The following KIF5A variants were observed in gnomAD, a reference collection of about 807,000 sequenced individuals.
KIF5A encodes kinesin heavy chain isoform 5A.
A neutral mutation model predicts 141.3 loss-of-function variants in KIF5A; 35 were observed. That is an observed-to-expected ratio of 0.25 (90% CI 0.19 to 0.33). The LOEUF is 0.33. Among genes scored for constraint, KIF5A ranks in the 10% least tolerant of loss-of-function variants. The pLI is 1.00. For missense variants in KIF5A, 861 were observed against 1,314.3 expected, an observed-to-expected ratio of 0.66 and a Z score of 5.33; for synonymous variants, 448 against 500.2, an observed-to-expected ratio of 0.90 and a Z score of 1.39.
In KIF5A at chr12:57,564,934, G is replaced by C. The variant is rs1882017601; in HGVS notation, c.462G>C (p.Leu154=). ...TTGATTCAGTGACCAAGACAAATCT[G>C]TCCGTGCACGAGGACAAGAACCGGG... ...RDLLDVTKTN[L]SVHEDKNRVP... is the part of the protein sequence containing the mutation. Residue 154 remains leucine (L), a synonymous_variant, in exon 6 of 29, where the codon CTG becomes CTC. Transcript: ENST00000455537. 4 of 1,614,224 alleles carry C rather than the reference G, an allele frequency of 2.5e-6. No homozygotes were observed. The highest frequency in any genetic ancestry group is 3.4e-6 in the Non-Finnish European group (4 of 1,180,040).
Position 57,550,610 on chromosome 12 carries a change from G to A in KIF5A, c.129+210G>A, listed in dbSNP as rs1424202377. ...CGGCCGAGTCTCTGCAGAGTGGCAG[G>A]GGGCTGCTTTCCTACCTTCGGGAGA... On this transcript the variant is annotated intron_variant, in intron 1 of 28. Transcript: ENST00000455537. The surrounding 1 kb of genome is among the most constrained non-coding windows in gnomAD (Gnocchi z 4.6). Among the ~76,000 whole-genome samples the A allele has an allele frequency of 6.6e-6, 1 of 152,144 alleles. No individual in the cohort carries two copies. The highest frequency in any genetic ancestry group is 1.5e-5 in the Non-Finnish European group (1 of 68,016).
chr12:57,553,880 A>G (rs373385371), intron 1 of KIF5A, among the ~76,000 whole-genome samples: 12 of 151,984 alleles, frequency 7.9e-5, no homozygotes, highest in African/African-American at 2.4e-4. Flanking sequence ...GGGGTGGGAG[A>G]GAGATTGGAT....
intron 1 of KIF5A, among the ~76,000 whole-genome samples, chr12:57,563,010 T>TC (rs1474213065): frequency 1.1e-4 from 16 of 150,788 alleles, no homozygotes; most frequent in Admixed American, 7.9e-4. Context: ...TTTCTTTTCT[T>TC]CTTCTTTTTT....
At chr12:57,565,362 G>A (rs55979499) in intron 6 of KIF5A, among the ~76,000 whole-genome samples, 1 of 152,002 alleles carries the variant, frequency 6.6e-6, no homozygotes, top group African/African-American at 2.4e-5. Context: ...CAGAGGTTGC[G>A]GTGAGCCGAG....
chr12:57,567,715 C>CA, intron 8 of KIF5A, 97 bp downstream of exon 8: 1 of 1,301,096 alleles, frequency 7.7e-7, no homozygotes, highest in Non-Finnish European at 1.0e-6. Flanking sequence ...GGCTGGTTTG[C>CA]AGTGGCACGA....
chr12:57,583,239 AC>A, intron 28 of KIF5A, 24 bp downstream of exon 28: 1 of 1,451,964 alleles, frequency 6.9e-7, no homozygotes, highest in Non-Finnish European at 9.6e-7. Flanking sequence ...GCTTCCTCGG[AC>A]CAGCCTCAGG....
chr12:57,563,293 C>G (rs1211797582), intron 1 of KIF5A, 146 bp from the exon 2 acceptor site: 2 of 714,412 alleles, frequency 2.8e-6, no homozygotes, highest in East Asian at 2.7e-5. Flanking sequence ...GTGTGAGCCA[C>G]CACGCCCGGC....
rs1402124748 is a variant in KIF5A at position 57,578,067 on chromosome 12, C to T, written c.2420C>T (p.Thr807Ile). ...LRKLFVQDVT[T>I]RVKKSAEMEP... ...AAGCTGTTCGTTCAAGACGTCACGA[C>T]TCGAGTCAAGAAAGTGAGTGCTGTC... The change falls in exon 22 of 29, where the codon ACT (threonine) becomes ATT (isoleucine). Residue 807 changes from threonine (T) to isoleucine (I), a missense_variant. Physicochemically the swap from Thr to Ile is moderately conservative, Grantham distance 89. This residue lies in a region of KIF5A where 482 missense variants were observed against 661.3 expected (regional missense o/e 0.73). Transcript: ENST00000455537. The T allele has an allele frequency of 6.2e-7, 1 of 1,614,112 alleles. No homozygotes were observed. Among genetic ancestry groups the T allele is most frequent in the Non-Finnish European group, 8.5e-7 (1 of 1,179,928 alleles).
intron 1 of KIF5A, among the ~76,000 whole-genome samples, chr12:57,552,724 C>T (rs533227517): frequency 7.4e-4 from 113 of 152,208 alleles, no homozygotes; most frequent in African/African-American, 2.5e-3. Flanking sequence ...CCCACCAGGT[C>T]GGGAGCTGGC....
chr12:57,570,555 C>T (rs970082509), intron 12 of KIF5A, among the ~76,000 whole-genome samples: 2 of 152,120 alleles, frequency 1.3e-5, no homozygotes, highest in South Asian at 2.1e-4. Flanking sequence ...CATGCCACCA[C>T]GCCTGGCTAA....
chr12:57,551,557 C>T (rs951617327), intron 1 of KIF5A, among the ~76,000 whole-genome samples: 1 of 152,056 alleles, frequency 6.6e-6, no homozygotes, highest in South Asian at 2.1e-4. Context: ...GGGGTCGAGT[C>T]CTGTAGGGCT....
intron 1 of KIF5A, among the ~76,000 whole-genome samples, chr12:57,555,260 T>C (rs532814067): frequency 6.6e-6 from 1 of 152,308 alleles, no homozygotes; most frequent in East Asian, 1.9e-4. Flanking sequence ...GCTTCCCATG[T>C]CTATGGGCAG....
chr12:57,569,571 G>A lies in KIF5A; in HGVS notation c.1005G>A (p.Leu335=). The A allele has an allele frequency of 6.2e-7, 1 of 1,614,126 alleles. No homozygotes were observed. Among genetic ancestry groups the A allele is most frequent in the Non-Finnish European group, 8.5e-7 (1 of 1,180,034 alleles). The change falls in exon 11 of 29, where the codon TTG becomes TTA. Residue 335 remains leucine (L), a synonymous_variant. Transcript: ENST00000455537. ...TTAAGAACACTGCCTCAGTAAATTTGGAGTTGACTGCTGAGCAGTGGAAGA... is the reference window on the plus strand; with the variant it reads ...TTAAGAACACTGCCTCAGTAAATTTAGAGTTGACTGCTGAGCAGTGGAAGA... ...KTIKNTASVN[L]ELTAEQWKKK... is the part of the protein sequence containing the mutation.
chr12:57,575,366 C>A, intron 16 of KIF5A, 94 bp downstream of exon 16: 1 of 1,353,518 alleles, frequency 7.4e-7, no homozygotes, highest in Non-Finnish European at 1.0e-6. Flanking sequence ...ACCTTTATGT[C>A]AAAGTTCTGG....
chr12:57,569,669 G>T lies in KIF5A; in HGVS notation c.1103G>T (p.Ser368Ile), dbSNP rs749955896. ...ETIAKLEAEL[S>I]RWRNGENVPE... ...ATTGCGAAGCTGGAGGCTGAGCTGA[G>T]CCGGTGGCGCAATGGTTAGAGAGGG... The change falls in exon 11 of 29, where the codon AGC (serine) becomes ATC (isoleucine). Residue 368 changes from serine (S) to isoleucine (I), a missense_variant. Around this residue, in one of 5 missense-constraint regions of KIF5A, gnomAD observed 167 missense variants for 192.0 expected, o/e 0.87. Transcript: ENST00000455537. The T allele has an allele frequency of 2.5e-6, 4 of 1,613,888 alleles. No individual in the cohort carries two copies. In the South Asian group the frequency reaches 4.4e-5, roughly 18 times the overall value.
Position 57,569,946 on chromosome 12 carries a change from T to G in KIF5A, c.1118-41T>G, listed in dbSNP as rs376582946. The G allele has an allele frequency of 7.9e-4, 1,265 of 1,598,912 alleles. 19 individuals are homozygous for G. The South Asian group carries it at 0.013, about 17-fold the overall frequency. ...GAAGGAAGAACTCGTGGATGCAGCTTCTTCTTCTTCCATCTCTCACCTCGT... is the reference window on the plus strand; with the variant it reads ...GAAGGAAGAACTCGTGGATGCAGCTGCTTCTTCTTCCATCTCTCACCTCGT... On this transcript the variant is annotated intron_variant, in intron 11 of 28. Coordinates refer to ENST00000455537, the MANE Select transcript of KIF5A (RefSeq NM_004984.4).
intron 11 of KIF5A, 107 bp from the exon 12 acceptor site, chr12:57,569,879 AG>A: frequency 1.4e-6 from 2 of 1,426,226 alleles, no homozygotes; most frequent in African/African-American, 1.4e-5. Context: ...CAAAAGGTAG[AG>A]GGTCCACCTG....
intron 12 of KIF5A, 28 bp downstream of exon 12, chr12:57,570,190 G>T (rs1882208633): frequency 6.2e-7 from 1 of 1,609,518 alleles, no homozygotes; most frequent in African/African-American, 1.3e-5. Context: ...GGGCACTGAG[G>T]CACGCCAGGT....
intron 6 of KIF5A, among the ~76,000 whole-genome samples, chr12:57,566,788 T>C (rs1882078365): frequency 6.7e-6 from 1 of 149,866 alleles, no homozygotes; most frequent in South Asian, 2.3e-4. Context: ...AAGCCTGTAA[T>C]CCCAGCACTT....
Sources: allele counts gnomAD v4.1 joint callset (sites outside exome capture counted in the v4.1 genomes callset), GRCh38; gene constraint gnomAD v4.1.1; regional missense constraint gnomAD v4.1.1; non-coding constraint Gnocchi (gnomAD v3.1); transcripts MANE v1.5; gene names NCBI Gene and HGNC (gene_info 2026-07-23, HGNC 2026-07-21).